Variants in IL17B observed in about 807,000 individuals in gnomAD.
IL17B encodes interleukin 17B, also known as interleukin-17B.
IL17B carries 14 observed loss-of-function variants against 14.7 expected under a neutral mutation model. The observed-to-expected ratio is 0.95, with a 90% confidence interval of 0.63 to 1.49. IL17B has a LOEUF of 1.49. Among genes scored for constraint, IL17B ranks in the 40% most tolerant of loss-of-function variants. The probability of loss-of-function intolerance (pLI) is 0.00; values close to 1 mark genes in which losing one functional copy is unlikely to be tolerated. For synonymous variants in IL17B, 105 were observed against 94.8 expected (o/e 1.11, Z -0.62); for missense variants, 233 against 252.8 (o/e 0.92, Z 0.53).
upstream of IL17B, among the ~76,000 whole-genome samples, chr5:149,380,425 T>C (rs1279095547): frequency 6.6e-6 from 1 of 152,220 alleles, no homozygotes; most frequent in Non-Finnish European, 1.5e-5. Context: ...AGCATGGTTC[T>C]CATTTCTCTA....
chr5:149,380,092 T>C (rs911126995), upstream of IL17B, among the ~76,000 whole-genome samples: 1 of 152,186 alleles, frequency 6.6e-6, no homozygotes, highest in African/African-American at 2.4e-5. Context: ...AGAGACTGTG[T>C]GGCTGCATGT....
intron 1 of IL17B, among the ~76,000 whole-genome samples, chr5:149,395,214 T>A (rs997503538): frequency 5.3e-5 from 8 of 152,342 alleles, no homozygotes; most frequent in African/African-American, 1.9e-4. Flanking sequence ...TTTTAATGGC[T>A]GCATAGTATT....
chr5:149,379,007 C>T (rs577579386), intron 1 of IL17B, among the ~76,000 whole-genome samples, 198 bp downstream of exon 1: 2 of 152,314 alleles, frequency 1.3e-5, no homozygotes, highest in African/African-American at 4.8e-5. Flanking sequence ...CGGCTGAGCC[C>T]CGTTCAGGAG....
chr5:149,396,679 C>T (rs1759097945), intron 1 of IL17B, among the ~76,000 whole-genome samples: 1 of 152,122 alleles, frequency 6.6e-6, no homozygotes, highest in Non-Finnish European at 1.5e-5. Context: ...GGGAGGATCA[C>T]CTGAGCCTGG....
intron 1 of IL17B, among the ~76,000 whole-genome samples, chr5:149,402,538 G>A (rs943191322): frequency 3.9e-5 from 6 of 152,068 alleles, no homozygotes; most frequent in Admixed American, 3.9e-4. Context: ...GCCTATCTGT[G>A]AAGTAGATTA....
intron 1 of IL17B, among the ~76,000 whole-genome samples, chr5:149,378,008 G>A (rs1201416341): frequency 6.6e-6 from 1 of 152,098 alleles, no homozygotes; most frequent in Admixed American, 6.5e-5. Context: ...GCCGGGTGTG[G>A]TGGCGGGTGC....
At chr5:149,394,669 G>C (rs1340338294) in intron 1 of IL17B, among the ~76,000 whole-genome samples, 4 of 152,206 alleles carry the variant, frequency 2.6e-5, no homozygotes, top group East Asian at 1.9e-4. Context: ...TAGTCCATAA[G>C]AGCTGGCCAA....
At chr5:149,395,344 G>A (rs371078537) in intron 1 of IL17B, among the ~76,000 whole-genome samples, 91 of 152,290 alleles carry the variant, frequency 6.0e-4, no homozygotes, top group African/African-American at 2.1e-3. Context: ...ACACATGCAT[G>A]TGTCTTTATG....
At chr5:149,402,863 C>A (rs975756189) in intron 1 of IL17B, among the ~76,000 whole-genome samples, 5 of 151,590 alleles carry the variant, frequency 3.3e-5, no homozygotes, top group East Asian at 3.9e-4. Context: ...ATTAGCCAGG[C>A]GTGGTGGCAC....
At chr5:149,394,350 A>C (rs1042934781) in intron 1 of IL17B, among the ~76,000 whole-genome samples, 3 of 152,210 alleles carry the variant, frequency 2.0e-5, no homozygotes. Flanking sequence ...AAAAACTGCA[A>C]TGGGTCACCA....
intron 1 of IL17B, among the ~76,000 whole-genome samples, chr5:149,395,937 G>A (rs1252937801): frequency 6.6e-6 from 1 of 151,930 alleles, no homozygotes; most frequent in African/African-American, 2.4e-5. Flanking sequence ...CTTCCCCAGA[G>A]TACTGGGATT....
chr5:149,381,585 A>C (rs995624164), upstream of IL17B, among the ~76,000 whole-genome samples: 1 of 152,254 alleles, frequency 6.6e-6, no homozygotes, highest in Non-Finnish European at 1.5e-5. Context: ...CCAAAGAGGC[A>C]GGCCAGTCCT....
intron 1 of IL17B, 96 bp downstream of exon 1, chr5:149,379,109 A>G: frequency 6.7e-7 from 1 of 1,493,654 alleles, no homozygotes; most frequent in Non-Finnish European, 9.3e-7. Flanking sequence ...CAGATTCTAA[A>G]CCAAACAGAG....
chr5:149,375,213 T>C (rs1315696439), intron 2 of IL17B: 1 of 152,290 alleles, frequency 6.6e-6, no homozygotes, highest in East Asian at 1.9e-4. Context: ...ACATGAGCAG[T>C]TCTGTCCTAG....
Position 149,374,432 on chromosome 5 carries a change from T to G in IL17B, c.480A>C (p.Thr160=). The change falls in exon 3 of 3, where the codon ACA becomes ACC. Residue 160 remains threonine, a synonymous_variant. Coordinates refer to ENST00000261796, the MANE Select transcript of IL17B (RefSeq NM_014443.3). This position sits in a 1 kb window ranked among gnomAD's most constrained non-coding sequence, Gnocchi z 5.0. ...RRRLCPPPPR[T]GPCRQRAVME... ...TGACTGCGCGCTGGCGGCAAGGCCC[T>G]GTGCGGGGCGGTGGCGGGCAGAGGC... The G allele has an allele frequency of 6.2e-7, 1 of 1,608,510 alleles. No individual in the cohort carries two copies. The highest frequency in any genetic ancestry group is 8.5e-7 in the Non-Finnish European group (1 of 1,179,028).
intron 1 of IL17B, among the ~76,000 whole-genome samples, chr5:149,387,948 C>G (rs1277447552): frequency 6.6e-6 from 1 of 152,166 alleles, no homozygotes; most frequent in East Asian, 1.9e-4. Context: ...CCTGAGGTCC[C>G]TTTAACCATC....
At chr5:149,400,913 C>T (rs1037230177) in intron 1 of IL17B, among the ~76,000 whole-genome samples, 1 of 152,160 alleles carries the variant, frequency 6.6e-6, no homozygotes, top group Non-Finnish European at 1.5e-5. Context: ...ACCCCTCCTC[C>T]ACCCTTTTGT....
intron 1 of IL17B, among the ~76,000 whole-genome samples, chr5:149,391,889 G>C (rs1758976601): frequency 6.6e-6 from 1 of 152,168 alleles, no homozygotes; most frequent in South Asian, 2.1e-4. Flanking sequence ...TCTCACATTA[G>C]TCCTCAGCCT....
intron 1 of IL17B, among the ~76,000 whole-genome samples, chr5:149,395,592 T>A (rs1346980713): frequency 2.6e-5 from 4 of 152,222 alleles, no homozygotes; most frequent in African/African-American, 9.6e-5. Flanking sequence ...GCGACTTTAA[T>A]TCATGAAACG....
Sources: allele counts gnomAD v4.1 joint callset (sites outside exome capture counted in the v4.1 genomes callset), GRCh38; gene constraint gnomAD v4.1.1; non-coding constraint Gnocchi (gnomAD v3.1); transcripts MANE v1.5; gene names NCBI Gene and HGNC (gene_info 2026-07-23, HGNC 2026-07-21).